Variants in SPTLC3 observed in about 807,000 individuals in gnomAD.
SPTLC3 encodes the protein serine palmitoyltransferase 3.
Under a neutral mutation model 59.3 loss-of-function variants are expected in SPTLC3, and 36 were observed. The ratio of observed to expected loss-of-function variants is 0.61; its 90% CI spans 0.47 to 0.80. The LOEUF is 0.80. Among genes scored for constraint, SPTLC3 ranks in the 30% least tolerant of loss-of-function variants. SPTLC3 has a pLI of 0.00. For missense variants in SPTLC3, 625 were observed against 685.1 expected (o/e 0.91, Z 0.98); for synonymous variants, 257 against 240.8 (o/e 1.07, Z -0.62).
chr20:13,160,631 G>A (rs184946894), intron 11 of SPTLC3, among the ~76,000 whole-genome samples: 299 of 152,338 alleles, frequency 2.0e-3, no homozygotes, highest in Admixed American at 4.1e-3. Flanking sequence ...CCATTGTTAT[G>A]TGAATGAGTA....
intron 1 of SPTLC3, 80 bp from the exon 2 acceptor site, chr20:13,048,865 T>C: frequency 7.8e-7 from 1 of 1,279,372 alleles, no homozygotes; most frequent in South Asian, 1.8e-5. Context: ...ATTCAAAGGG[T>C]TGAAAGTTCA....
chr20:13,069,073 C>T (rs951725475), intron 2 of SPTLC3, among the ~76,000 whole-genome samples: 1 of 152,152 alleles, frequency 6.6e-6, no homozygotes, highest in Non-Finnish European at 1.5e-5. Flanking sequence ...GCTGGGAAGC[C>T]ATGGGCTGTT....
intron 6 of SPTLC3, among the ~76,000 whole-genome samples, chr20:13,108,514 G>A (rs760604922): frequency 5.3e-5 from 8 of 152,216 alleles, no homozygotes; most frequent in African/African-American, 1.7e-4. Context: ...ATGCACATAC[G>A]CTTCTTGAGA....
chr20:13,026,551 G>A lies in SPTLC3; in HGVS notation c.117+17167G>A, dbSNP rs749121474. ...TTGAGAAGTGTCTGTTCGTGTCCTC[G>A]GCCTGCAGAATCCTTTAACACACAG... On this transcript the variant is annotated intron_variant, in intron 1 of 11. Coordinates refer to ENST00000399002, the MANE Select transcript of SPTLC3 (RefSeq NM_018327.4). 5.3e-5 allele frequency among the ~76,000 whole-genome samples: 8 copies of A among 152,106 alleles called. No individual in the cohort carries two copies. In the South Asian group the frequency reaches 6.2e-4, roughly 12 times the overall value.
intron 1 of SPTLC3, among the ~76,000 whole-genome samples, chr20:13,029,493 G>A (rs948592042): frequency 2.0e-5 from 3 of 151,722 alleles, no homozygotes; most frequent in African/African-American, 7.3e-5. Flanking sequence ...CTCTGGGAGA[G>A]GTTATTTTTT....
intron 7 of SPTLC3, among the ~76,000 whole-genome samples, chr20:13,114,487 A>G (rs1990423196): frequency 6.6e-6 from 1 of 152,190 alleles, no homozygotes; most frequent in African/African-American, 2.4e-5. Context: ...AAATTAATCA[A>G]GGAATAATAG....
At chr20:13,038,682 G>A (rs1221760657) in intron 1 of SPTLC3, among the ~76,000 whole-genome samples, 1 of 151,924 alleles carries the variant, frequency 6.6e-6, no homozygotes, top group Admixed American at 6.6e-5. Context: ...ATTGTTTTCT[G>A]TTTGCTTTAG....
chr20:13,086,478 G>T (rs1375167608), intron 4 of SPTLC3, among the ~76,000 whole-genome samples: 1 of 152,156 alleles, frequency 6.6e-6, no homozygotes, highest in Non-Finnish European at 1.5e-5. Flanking sequence ...AATCTTTCAG[G>T]TTTGTTAATA....
rs144670407 is a variant in SPTLC3 at position 13,077,278 on chromosome 20, T to C, written c.607+2781T>C. Among the ~76,000 whole-genome samples, 6 of 150,284 alleles carry C rather than the reference T, an allele frequency of 4.0e-5. No individual in the cohort carries two copies. The Admixed American group carries it at 4.0e-4, about 10-fold the overall frequency. Reference sequence around the variant, plus strand: ...TACTTTATGTATTTTATATATAAAATACAAATAATATTATTACTTATAAAG... The same window carrying C: ...TACTTTATGTATTTTATATATAAAACACAAATAATATTATTACTTATAAAG... On this transcript the variant is annotated intron_variant, in intron 4 of 11. Transcript: ENST00000399002.
chr20:13,094,290 C>T (rs748128948), intron 6 of SPTLC3, among the ~76,000 whole-genome samples: 5 of 152,050 alleles, frequency 3.3e-5, no homozygotes, highest in African/African-American at 9.7e-5. Context: ...AATGAGGTGT[C>T]GAACTCTGTG....
intron 9 of SPTLC3, among the ~76,000 whole-genome samples, chr20:13,142,853 C>G (rs1290701980): frequency 1.3e-5 from 2 of 152,160 alleles, no homozygotes; most frequent in Non-Finnish European, 2.9e-5. Flanking sequence ...CTCATGAGGG[C>G]CCCTCCATCT....
intron 2 of SPTLC3, among the ~76,000 whole-genome samples, chr20:13,071,995 C>T (rs1377085881): frequency 6.6e-6 from 1 of 152,190 alleles, no homozygotes; most frequent in Non-Finnish European, 1.5e-5. Context: ...ACTGCAGGGA[C>T]GTGTTGTCTC....
chr20:13,160,542 C>G (rs1186283783), intron 11 of SPTLC3, among the ~76,000 whole-genome samples: 1 of 152,128 alleles, frequency 6.6e-6, no homozygotes. Context: ...GGAAAACCAA[C>G]AAGAACAAAT....
intron 1 of SPTLC3, among the ~76,000 whole-genome samples, chr20:13,021,299 C>A (rs1215133281): frequency 6.6e-6 from 1 of 152,134 alleles, no homozygotes; most frequent in African/African-American, 2.4e-5. Context: ...CTATTCTTTT[C>A]TAACTGCATA....
At chr20:13,043,573 C>T (rs1466058529) in intron 1 of SPTLC3, among the ~76,000 whole-genome samples, 5 of 152,202 alleles carry the variant, frequency 3.3e-5, no homozygotes, top group Non-Finnish European at 7.3e-5. Flanking sequence ...AGATAGTCTG[C>T]GTCCCTGTGG....
chr20:13,124,106 A>T (rs2037931099), intron 8 of SPTLC3, among the ~76,000 whole-genome samples: 1 of 152,194 alleles, frequency 6.6e-6, no homozygotes, highest in Admixed American at 6.5e-5. Flanking sequence ...CTCTTCAGAT[A>T]TGGGGAAAAC....
chr20:13,038,060 A>ATATATATATATATATAT (rs1390602376), intron 1 of SPTLC3, among the ~76,000 whole-genome samples: 19 of 148,684 alleles, frequency 1.3e-4, no homozygotes, highest in South Asian at 2.1e-4. Flanking sequence ...ATATATATAT[A>ATATATATATATATATAT]ATATATCTTC....
intron 1 of SPTLC3, among the ~76,000 whole-genome samples, chr20:13,037,049 TA>T (rs1986767945): frequency 6.6e-6 from 1 of 152,204 alleles, no homozygotes; most frequent in South Asian, 2.1e-4. Context: ...TTTTGTGCAT[TA>T]AAAAATGCCT....
intron 7 of SPTLC3, among the ~76,000 whole-genome samples, chr20:13,116,065 T>G (rs1990530381): frequency 1.3e-5 from 2 of 152,208 alleles, no homozygotes; most frequent in African/African-American, 4.8e-5. Flanking sequence ...CATTAAAATC[T>G]GAACTCGGCC....
Sources: allele counts gnomAD v4.1 joint callset (sites outside exome capture counted in the v4.1 genomes callset), GRCh38; gene constraint gnomAD v4.1.1; transcripts MANE v1.5; gene names NCBI Gene and HGNC (gene_info 2026-07-23, HGNC 2026-07-21).